Variants in NCKAP5 observed in about 807,000 individuals in gnomAD.
The protein encoded by NCKAP5 is nck-associated protein 5.
NCKAP5 carries 92 observed loss-of-function variants against 167.0 expected under a neutral mutation model. The ratio of observed to expected loss-of-function variants is 0.55; its 90% CI spans 0.47 to 0.66. The LOEUF is 0.66. NCKAP5 is among the 30% of genes least tolerant of loss of function. The pLI, the probability that NCKAP5 is intolerant of heterozygous loss-of-function variation, is 0.00. For synonymous variants in NCKAP5, 891 were observed against 877.4 expected, an observed-to-expected ratio of 1.02 and a Z score of -0.27; for missense variants, 2,378 against 2,315.0, an observed-to-expected ratio of 1.03 and a Z score of -0.56.
intron 4 of NCKAP5, among the ~76,000 whole-genome samples, chr2:133,245,383 A>G (rs1396442632): frequency 1.3e-5 from 2 of 152,212 alleles, no homozygotes; most frequent in South Asian, 2.1e-4. Flanking sequence ...AAAACAAACC[A>G]TAAGTATTGA....
intron 17 of NCKAP5, among the ~76,000 whole-genome samples, chr2:132,729,428 G>A (rs771064417): frequency 2.0e-5 from 3 of 152,182 alleles, no homozygotes; most frequent in Non-Finnish European, 4.4e-5. Context: ...CCTAAAATAC[G>A]TATTAAGGTT....
At chr2:133,319,275 G>C (rs1574689375) in intron 3 of NCKAP5, among the ~76,000 whole-genome samples, 1 of 151,946 alleles carries the variant, frequency 6.6e-6, no homozygotes. Flanking sequence ...ATTTTTGAGG[G>C]TAGAGGGCTG....
At chr2:133,367,500 G>T (rs1050821087) in intron 3 of NCKAP5, among the ~76,000 whole-genome samples, 10 of 152,148 alleles carry the variant, frequency 6.6e-5, no homozygotes, top group Admixed American at 5.2e-4. Context: ...TATTGTTGTT[G>T]TTGTTTTTTC....
chr2:132,915,708 C>T (rs933546401), intron 8 of NCKAP5: 1 of 152,030 alleles, frequency 6.6e-6, no homozygotes, highest in African/African-American at 2.4e-5. Context: ...TATGACTGTA[C>T]ATACGAATGT....
At chr2:132,793,250 G>A (rs1276505538) in intron 12 of NCKAP5, among the ~76,000 whole-genome samples, 1 of 152,182 alleles carries the variant, frequency 6.6e-6, no homozygotes, top group Non-Finnish European at 1.5e-5. Flanking sequence ...TGAGGCAGGT[G>A]ATCCACCTTA....
chr2:132,732,184 T>G (rs1330185590), intron 16 of NCKAP5, 133 bp from the exon 17 acceptor site: 2 of 849,396 alleles, frequency 2.4e-6, no homozygotes, highest in African/African-American at 3.5e-5. Context: ...AAGAAAAATG[T>G]CACAAGGACA....
intron 6 of NCKAP5, among the ~76,000 whole-genome samples, chr2:133,056,256 T>A (rs760634200): frequency 3.3e-5 from 5 of 152,178 alleles, no homozygotes; most frequent in Non-Finnish European, 7.4e-5. Context: ...CAAAGCTGTA[T>A]CCTCTTCCTA....
rs772956111 is a variant in NCKAP5, at chr2:133,516,696, C to A, written c.69+762G>T. On this transcript the variant is annotated intron_variant, in intron 3 of 19. Coordinates refer to ENST00000409261, the MANE Select transcript of NCKAP5 (RefSeq NM_207363.3). ...CTCCAGGACAGGTGCTGAGCATATA[C>A]AAGTGAATAAAGCACATCCCTATAA... Among the ~76,000 whole-genome samples the A allele has an allele frequency of 7.2e-5, 11 of 152,320 alleles. No homozygotes were observed. The Middle Eastern group carries it at 0.01, about 141-fold the overall frequency.
chr2:133,275,838 C>A (rs2089703292), intron 4 of NCKAP5, among the ~76,000 whole-genome samples: 1 of 151,122 alleles, frequency 6.6e-6, no homozygotes, highest in Non-Finnish European at 1.5e-5. Flanking sequence ...CACTACATAA[C>A]TTAATCATGA....
intron 3 of NCKAP5, among the ~76,000 whole-genome samples, chr2:133,333,351 G>C (rs1208056832): frequency 6.6e-6 from 1 of 152,148 alleles, no homozygotes; most frequent in Non-Finnish European, 1.5e-5. Flanking sequence ...TGATACATCG[G>C]AAGAGGAAAG....
At chr2:133,012,467 C>G (rs755036130) in intron 6 of NCKAP5, among the ~76,000 whole-genome samples, 1 of 152,180 alleles carries the variant, frequency 6.6e-6, no homozygotes, top group Non-Finnish European at 1.5e-5. Context: ...CCAGGATGGT[C>G]TCGATCTCCT....
chr2:133,151,904 G>A (rs188092408), intron 5 of NCKAP5, among the ~76,000 whole-genome samples: 24 of 152,186 alleles, frequency 1.6e-4, no homozygotes, highest in Non-Finnish European at 2.8e-4. Context: ...AGGAGTTTGA[G>A]ACCAGCCTGG....
intron 3 of NCKAP5, among the ~76,000 whole-genome samples, chr2:133,389,884 T>A (rs574214990): frequency 2.3e-4 from 35 of 152,224 alleles, no homozygotes; most frequent in African/African-American, 8.4e-4. Flanking sequence ...AGTCATAGAA[T>A]CCTGAAACTG....
chr2:132,790,385 C>A (rs1200945498), intron 12 of NCKAP5, among the ~76,000 whole-genome samples, 180 bp from the exon 13 acceptor site: 1 of 152,088 alleles, frequency 6.6e-6, no homozygotes, highest in Admixed American at 6.5e-5. Flanking sequence ...ACCTAACGCA[C>A]AGAACATCAC....
chr2:133,573,785 G>C, the NCKAP5 span, among the ~76,000 whole-genome samples: 1 of 152,188 alleles, frequency 6.6e-6, no homozygotes, highest in East Asian at 1.9e-4. Context: ...AAAAGGGAAC[G>C]GGTGTCGGGA....
rs1404240345 is a variant in NCKAP5 at position 133,308,951 on chromosome 2, C to T, written c.70-5841G>A. Among the ~76,000 whole-genome samples, 5 of 150,270 alleles carry T rather than the reference C, an allele frequency of 3.3e-5. No individual in the cohort carries two copies. In the East Asian group the frequency reaches 9.8e-4, roughly 29 times the overall value. The stretch of plus-strand genomic sequence containing the variant: ...GGTCTCGATCTCCTGACCTCATGAT[C>T]CACCCGCCTCGGCCTCCCAAAGTGC... On this transcript the variant is annotated intron_variant, in intron 3 of 19. Coordinates refer to ENST00000409261, the MANE Select transcript of NCKAP5 (RefSeq NM_207363.3).
At chr2:133,610,129 A>G in the NCKAP5 span, among the ~76,000 whole-genome samples, 1 of 152,216 alleles carries the variant, frequency 6.6e-6, no homozygotes, top group Admixed American at 6.5e-5. Flanking sequence ...CAGAAGCTTA[A>G]TATGAGTTCT....
intron 3 of NCKAP5, among the ~76,000 whole-genome samples, chr2:133,406,454 G>C (rs1015006425): frequency 2.6e-5 from 4 of 152,044 alleles, no homozygotes; most frequent in Non-Finnish European, 4.4e-5. Flanking sequence ...GAATAGAGAG[G>C]GCAAAGGGAA....
chr2:133,222,766 T>C (rs1293024326), intron 4 of NCKAP5, among the ~76,000 whole-genome samples: 1 of 152,216 alleles, frequency 6.6e-6, no homozygotes, highest in Non-Finnish European at 1.5e-5. Context: ...GCATGCCTAT[T>C]ATCCCACTGC....
Sources: allele counts gnomAD v4.1 joint callset (sites outside exome capture counted in the v4.1 genomes callset), GRCh38; gene constraint gnomAD v4.1.1; transcripts MANE v1.5; gene names NCBI Gene and HGNC (gene_info 2026-07-23, HGNC 2026-07-21).